Variants in CLEC2L observed in about 807,000 individuals in gnomAD.
CLEC2L encodes the protein C-type lectin domain family 2 member L.
In CLEC2L, 14 loss-of-function variants were observed where a neutral mutation model predicts 23.6. The observed-to-expected ratio is 0.59, with a 90% CI of 0.39 to 0.93. The LOEUF (loss-of-function observed/expected upper bound fraction) is 0.93, where lower values mean the gene tolerates loss of function less well. CLEC2L is among the 40% of genes least tolerant of loss of function. The probability of loss-of-function intolerance (pLI) is 0.00; values close to 1 mark genes in which losing one functional copy is unlikely to be tolerated. For synonymous variants in CLEC2L, 114 were observed against 121.3 expected (o/e 0.94, Z 0.40); for missense variants, 264 against 282.4 (o/e 0.93, Z 0.47).
At chr7:139,537,066 TAA>T (rs111228229) in intron 2 of CLEC2L, among the ~76,000 whole-genome samples, 1 of 143,424 alleles carries the variant, frequency 7.0e-6, no homozygotes, top group Admixed American at 7.0e-5. Flanking sequence ...GTGCTAAGGT[TAA>T]AAAAAAAAAG....
chr7:139,536,234 G>A, intron 1 of CLEC2L, 40 bp from the exon 2 acceptor site: 1 of 1,504,570 alleles, frequency 6.6e-7, no homozygotes. Context: ...CTGGCGGTGG[G>A]ATGGGCGGTG....
intron 1 of CLEC2L, among the ~76,000 whole-genome samples, chr7:139,528,815 G>A (rs1797540513): frequency 6.6e-6 from 1 of 152,174 alleles, no homozygotes; most frequent in Admixed American, 6.5e-5. Context: ...AAGAGGCAAG[G>A]AAGGAGCCCC....
chr7:139,531,151 C>G (rs148160989), intron 1 of CLEC2L, among the ~76,000 whole-genome samples: 2 of 152,340 alleles, frequency 1.3e-5, no homozygotes, highest in African/African-American at 4.8e-5. Context: ...GAACAGATAA[C>G]TGTGGTCCCC....
intron 1 of CLEC2L, 135 bp downstream of exon 1, chr7:139,524,252 G>A (rs1797473654): frequency 9.5e-6 from 9 of 946,190 alleles, no homozygotes; most frequent in Non-Finnish European, 1.1e-5. Context: ...GGGACGCGGC[G>A]GAGTCATTCA....
Position 139,544,432 on chromosome 7 carries a change from C to A in CLEC2L, c.*90C>A. ...ACCTGCTTCCAGCGGAGCCGCCTGC[C>A]CTCTGCAAGGCGAAGCGGTGGGTGC... On this transcript the variant is annotated 3_prime_UTR_variant, in exon 5 of 5. Coordinates refer to ENST00000422142, the MANE Select transcript of CLEC2L (RefSeq NM_001080511.4). 1.0e-6 allele frequency: 1 copy of A among 962,318 alleles called. No homozygotes were observed. Among genetic ancestry groups the A allele is most frequent in the Non-Finnish European group, 1.6e-6 (1 of 628,218 alleles). The allele number at this position is 962,318 out of a possible 1,614,324, so 59.6% of individuals were successfully genotyped here.
rs1268878520 is a variant in CLEC2L at position 139,539,134 on chromosome 7, A to G, written c.266-1187A>G. 6.6e-6 allele frequency: 1 copy of G among 152,218 alleles called. No individual in the cohort carries two copies. The allele number at this position is 152,218 out of a possible 1,614,324, so 9.4% of individuals were successfully genotyped here. On this transcript the variant is annotated intron_variant, in intron 2 of 4. Transcript: ENST00000422142. The surrounding 1 kb of genome is among the most constrained non-coding windows in gnomAD (Gnocchi z 4.1). ...TCTGTCCTGGTCTACATTTTAATCA[A>G]TCACTTGTATGAAAACAAACAAAAA...
At chr7:139,528,093 G>T (rs997618706) in intron 1 of CLEC2L, among the ~76,000 whole-genome samples, 1 of 152,076 alleles carries the variant, frequency 6.6e-6, no homozygotes. Context: ...TCTAATATGG[G>T]CCATGGCATA....
At chr7:139,528,087 A>G (rs1415832498) in intron 1 of CLEC2L, among the ~76,000 whole-genome samples, 1 of 152,186 alleles carries the variant, frequency 6.6e-6, no homozygotes, top group Admixed American at 6.5e-5. Flanking sequence ...ACGCCATCTA[A>G]TATGGGCCAT....
intron 2 of CLEC2L, among the ~76,000 whole-genome samples, chr7:139,536,592 G>C (rs1400189247): frequency 6.6e-6 from 1 of 152,152 alleles, no homozygotes; most frequent in Non-Finnish European, 1.5e-5. Context: ...GTATTATTTT[G>C]TAAGTGTTGT....
chr7:139,531,877 T>C (rs1452343906), intron 1 of CLEC2L, among the ~76,000 whole-genome samples: 1 of 150,064 alleles, frequency 6.7e-6, no homozygotes, highest in Non-Finnish European at 1.5e-5. Context: ...GCCATGGCAC[T>C]CCACCCTGGG....
At chr7:139,542,187 A>T in intron 4 of CLEC2L, 66 bp downstream of exon 4, 2 of 1,074,962 alleles carry the variant, frequency 1.9e-6, no homozygotes, top group Non-Finnish European at 2.8e-6. Context: ...CACCCCCTGG[A>T]CACAACTCCC....
rs2116537291 is a variant in CLEC2L, at chr7:139,523,805, G to C, written c.-123G>C. On this transcript the variant is annotated 5_prime_UTR_variant, in exon 1 of 5. Coordinates refer to ENST00000422142, the MANE Select transcript of CLEC2L (RefSeq NM_001080511.4). The surrounding 1 kb of genome is among the most constrained non-coding windows in gnomAD (Gnocchi z 4.1). ...CTCAGCCCCGGCCTGCCAGCGCCGC[G>C]GTCCTAGCCCACCCGAGGCCGGCCT... The C allele has an allele frequency of 7.1e-6, 4 of 562,290 alleles. No individual in the cohort carries two copies. Among genetic ancestry groups the C allele is most frequent in the Non-Finnish European group, 9.0e-6 (4 of 445,220 alleles). 34.8% of individuals were successfully genotyped at this position (562,290 alleles called of 1,614,324 possible).
chr7:139,530,928 C>G (rs979233048), intron 1 of CLEC2L, among the ~76,000 whole-genome samples: 2 of 152,094 alleles, frequency 1.3e-5, no homozygotes, highest in Non-Finnish European at 2.9e-5. Flanking sequence ...CCTCTTCCCT[C>G]AGCTAGCCCT....
chr7:139,535,981 C>T (rs1437005172), intron 1 of CLEC2L, among the ~76,000 whole-genome samples: 1 of 152,226 alleles, frequency 6.6e-6, no homozygotes, highest in African/African-American at 2.4e-5. Flanking sequence ...CAAACTCCAG[C>T]CTGCATCAGA....
At chr7:139,534,547 G>T in intron 1 of CLEC2L, 2 of 754,646 alleles carry the variant, frequency 2.7e-6, no homozygotes, top group South Asian at 1.4e-5. Flanking sequence ...TCAACAGGCT[G>T]ATAAATAATT....
intron 1 of CLEC2L, among the ~76,000 whole-genome samples, chr7:139,527,975 G>A (rs1797528911): frequency 6.6e-6 from 1 of 152,146 alleles, no homozygotes; most frequent in African/African-American, 2.4e-5. Flanking sequence ...TGAGGATGAT[G>A]GGAGCTTTGT....
rs1470439281 is a variant in CLEC2L at position 139,523,945 on chromosome 7, G to C, written c.18G>C (p.Glu6Asp). The C allele has an allele frequency of 2.1e-6, 2 of 974,070 alleles. No individual in the cohort carries two copies. Among genetic ancestry groups the C allele is most frequent in the African/African-American group, 1.8e-5 (1 of 56,370 alleles). The allele number at this position is 974,070 out of a possible 1,614,324, so 60.3% of individuals were successfully genotyped here. Residue 6 changes from glutamate to aspartate, a missense_variant, in exon 1 of 5, where the codon GAG (glutamate) becomes GAC (aspartate). Physicochemically the swap from Glu to Asp is conservative, Grantham distance 45 (BLOSUM62 2). Transcript: ENST00000422142. This position sits in a 1 kb window ranked among gnomAD's most constrained non-coding sequence, Gnocchi z 4.1. Reference protein sequence around the residue: MEPAREPPSRARPPPP... With the variant: MEPARDPPSRARPPPP... The stretch of plus-strand genomic sequence containing the variant: ...CGCCCCGCATGGAGCCGGCCCGGGA[G>C]CCCCCCTCGCGGGCCCGGCCGCCGC...
intron 1 of CLEC2L, among the ~76,000 whole-genome samples, chr7:139,529,744 T>G (rs1797552708): frequency 6.6e-6 from 1 of 152,214 alleles, no homozygotes; most frequent in South Asian, 2.1e-4. Flanking sequence ...CATGCATTTT[T>G]TCTTTTTTCC....
intron 1 of CLEC2L, among the ~76,000 whole-genome samples, chr7:139,524,386 C>T (rs1797476358): frequency 6.6e-6 from 1 of 152,234 alleles, no homozygotes; most frequent in African/African-American, 2.4e-5. Flanking sequence ...GGGCTTCACG[C>T]TCTGAGCCTT....
Sources: gnomAD v4.1 joint callset for allele counts (sites outside exome capture counted in the v4.1 genomes callset) on GRCh38, gnomAD v4.1.1 for gene constraint, Gnocchi (gnomAD v3.1) non-coding constraint, MANE v1.5 for transcripts, NCBI Gene and HGNC (gene_info 2026-07-23, HGNC 2026-07-21) for gene names.